Variants in CHST9 observed in about 807,000 individuals in gnomAD.
CHST9 encodes GalNAc-4-sulfotransferase 2.
A neutral mutation model predicts 44.4 loss-of-function variants in CHST9; 41 were observed. That is an observed-to-expected ratio of 0.92 (90% confidence interval 0.72 to 1.20). The LOEUF is 1.20. Ranked by LOEUF, CHST9 falls within the 50% of genes most tolerant of loss-of-function variation. The pLI is 0.00. For missense variants in CHST9, 504 were observed against 516.5 expected (o/e 0.98, Z 0.23); for synonymous variants, 171 against 178.4 (o/e 0.96, Z 0.33).
chr18:26,968,852 G>A (rs1413124587), intron 4 of CHST9, among the ~76,000 whole-genome samples: 3 of 152,162 alleles, frequency 2.0e-5, no homozygotes, highest in South Asian at 2.1e-4. Flanking sequence ...TCTTCCAGGT[G>A]GCTGGTCAGT....
chr18:27,135,806 C>T (rs1158882505), intron 2 of CHST9, among the ~76,000 whole-genome samples: 1 of 152,202 alleles, frequency 6.6e-6, no homozygotes, highest in African/African-American at 2.4e-5. Context: ...AACTGCTTTT[C>T]TCACTTCACC....
intron 2 of CHST9, among the ~76,000 whole-genome samples, chr18:27,062,104 C>T (rs773943386): frequency 6.6e-6 from 1 of 152,124 alleles, no homozygotes; most frequent in Non-Finnish European, 1.5e-5. Flanking sequence ...TCTGCTGCAG[C>T]GTTCCTCCTA....
chr18:27,171,992 T>C (rs2143959949), intron 1 of CHST9, among the ~76,000 whole-genome samples: 1 of 152,292 alleles, frequency 6.6e-6, no homozygotes, highest in South Asian at 2.1e-4. Flanking sequence ...ATGTACTTGG[T>C]CTAGAGGTCT....
At chr18:27,015,320 C>A (rs1018029134) in intron 4 of CHST9, among the ~76,000 whole-genome samples, 1 of 91,666 alleles carries the variant, frequency 1.1e-5, no homozygotes, top group African/African-American at 5.9e-5. Flanking sequence ...ACCAGAGAGG[C>A]AGTTGTGTGT....
At chr18:27,158,353 T>C (rs1222402737) in intron 1 of CHST9, among the ~76,000 whole-genome samples, 2 of 149,522 alleles carry the variant, frequency 1.3e-5, no homozygotes, top group East Asian at 2.0e-4. Flanking sequence ...GAACATGCAG[T>C]GTTTGGTTTT....
chr18:27,024,797 A>C (rs2057266059), intron 3 of CHST9, among the ~76,000 whole-genome samples: 1 of 152,200 alleles, frequency 6.6e-6, no homozygotes, highest in South Asian at 2.1e-4. Context: ...TGTAGTAAAC[A>C]GCTATAAGAA....
rs561870636 is a variant in CHST9, at chr18:27,075,652, A to G, written c.122-27149T>C. Among the ~76,000 whole-genome samples, 149 of 152,352 alleles carry G rather than the reference A, an allele frequency of 9.8e-4. 1 individual carries two copies. The highest frequency in any genetic ancestry group is 3.4e-3 in the African/African-American group (141 of 41,580). Reference sequence around the variant, plus strand: ...ACAAAACTTAAAAATCTCATTTGCCAGCATCAATTACCTACAATGAAGTAT... The same window carrying G: ...ACAAAACTTAAAAATCTCATTTGCCGGCATCAATTACCTACAATGAAGTAT... On this transcript the variant is annotated intron_variant, in intron 2 of 5. Transcript: ENST00000618847.
intron 2 of CHST9, among the ~76,000 whole-genome samples, chr18:27,092,241 A>G (rs2058076067): frequency 1.3e-5 from 2 of 152,154 alleles, no homozygotes; most frequent in African/African-American, 4.8e-5. Context: ...AGAGGTGTTT[A>G]TAGTATTATC....
Position 26,946,788 on chromosome 18 carries a change from T to C in CHST9, c.203-2422A>G. On this transcript the variant is annotated intron_variant, in intron 4 of 5. Transcript: ENST00000618847. ...TATTAAATAGGAAATCCTTTCCCCATTGCTTGCTTTTGTCAGGTTTGTCAA... is the reference window on the plus strand; with the variant it reads ...TATTAAATAGGAAATCCTTTCCCCACTGCTTGCTTTTGTCAGGTTTGTCAA... Among the ~76,000 whole-genome samples, 2 of 149,596 alleles carry C rather than the reference T, an allele frequency of 1.3e-5. 1 individual carries two copies. Among genetic ancestry groups the C allele is most frequent in the Non-Finnish European group, 3.0e-5 (2 of 67,264 alleles).
chr18:27,119,624 T>C (rs2058357266), intron 2 of CHST9, among the ~76,000 whole-genome samples: 1 of 151,478 alleles, frequency 6.6e-6, no homozygotes, highest in Non-Finnish European at 1.5e-5. Flanking sequence ...CAGGTGATAA[T>C]TGCCTACTTA....
At chr18:27,084,532 T>G (rs2057991769) in intron 2 of CHST9, among the ~76,000 whole-genome samples, 1 of 151,834 alleles carries the variant, frequency 6.6e-6, no homozygotes, top group Admixed American at 6.6e-5. Flanking sequence ...TGTTTCAGTC[T>G]TCTCTCTTTA....
chr18:26,952,784 A>G (rs1382469245), intron 4 of CHST9, among the ~76,000 whole-genome samples: 1 of 152,186 alleles, frequency 6.6e-6, no homozygotes, highest in East Asian at 1.9e-4. Context: ...TGGGCATGCA[A>G]AGATGATACA....
intron 5 of CHST9, chr18:26,934,330 G>C (rs1313658427): frequency 6.6e-6 from 1 of 151,808 alleles, no homozygotes; most frequent in Non-Finnish European, 1.5e-5. Context: ...CGCCTCCCGG[G>C]TTCACGCCAT....
chr18:26,960,019 C>T, intron 4 of CHST9, among the ~76,000 whole-genome samples: 1 of 152,058 alleles, frequency 6.6e-6, no homozygotes, highest in East Asian at 1.9e-4. Context: ...GGAGAAGATG[C>T]TATTAATGCA....
At chr18:26,979,818 C>G (rs1381182217) in intron 4 of CHST9, among the ~76,000 whole-genome samples, 2 of 152,150 alleles carry the variant, frequency 1.3e-5, no homozygotes, top group Non-Finnish European at 2.9e-5. Context: ...CCCTCTAGAC[C>G]ATTGAGTTGA....
rs547187737 is a variant in CHST9, at chr18:26,962,792, G to T, written c.203-18426C>A. On this transcript the variant is annotated intron_variant, in intron 4 of 5. Transcript: ENST00000618847. ...CACCTGGGTATTGAGATCCAAGGCC[G>T]CTTCAGGCAGTATCTCCGCAGGTGT... Among the ~76,000 whole-genome samples the T allele has an allele frequency of 2.0e-5, 3 of 152,056 alleles. No homozygotes were observed. The South Asian group carries it at 6.2e-4, about 32-fold the overall frequency.
intron 2 of CHST9, among the ~76,000 whole-genome samples, chr18:27,104,424 T>C (rs1424168960): frequency 1.3e-5 from 2 of 152,228 alleles, no homozygotes; most frequent in Admixed American, 1.3e-4. Context: ...ACTTTTGTTT[T>C]CTGTGACTGG....
intron 5 of CHST9, among the ~76,000 whole-genome samples, chr18:26,924,118 C>G (rs2055717191): frequency 6.6e-6 from 1 of 151,992 alleles, no homozygotes; most frequent in Non-Finnish European, 1.5e-5. Flanking sequence ...CATTCTGGGG[C>G]AGTGGGGAGG....
intron 4 of CHST9, among the ~76,000 whole-genome samples, chr18:26,972,127 C>T (rs887014726): frequency 6.6e-6 from 1 of 151,852 alleles, no homozygotes; most frequent in Admixed American, 6.6e-5. Context: ...GAGGCCGAGG[C>T]GGGCGGATCA....
Sources: allele counts gnomAD v4.1 joint callset (sites outside exome capture counted in the v4.1 genomes callset), GRCh38; gene constraint gnomAD v4.1.1; transcripts MANE v1.5; gene names NCBI Gene and HGNC (gene_info 2026-07-23, HGNC 2026-07-21).